The following ANKHD1 variants were observed in gnomAD, a reference collection of about 807,000 sequenced individuals.
ANKHD1 encodes ankyrin repeat and KH domain containing 1.
A neutral mutation model predicts 230.5 loss-of-function variants in ANKHD1; 31 were observed. The observed-to-expected ratio is 0.13, with a 90% confidence interval of 0.10 to 0.18. The LOEUF is 0.18. Among genes scored for constraint, ANKHD1 ranks in the 10% least tolerant of loss-of-function variants. ANKHD1 has a pLI of 1.00. For synonymous variants in ANKHD1, 1,074 were observed against 1,117.6 expected (o/e 0.96, Z 0.78); for missense variants, 2,256 against 3,071.3 (o/e 0.73, Z 6.27).
In ANKHD1 at chr5:140,530,955, T is replaced by C. The variant is rs540670447; in HGVS notation, c.6850+1159T>C. Among the ~76,000 whole-genome samples the C allele has an allele frequency of 2.8e-3, 426 of 152,380 alleles. 2 individuals carry two copies. Among genetic ancestry groups the C allele is most frequent in the African/African-American group, 9.7e-3 (403 of 41,588 alleles). ...ATTTACTTGTCTTTTCAGGAAAACA[T>C]AGCTGTTATATTGTATTTCAAATAG... On this transcript the variant is annotated intron_variant, in intron 29 of 33. Transcript: ENST00000360839.
At chr5:140,418,180 T>A (rs2126865025) in intron 1 of ANKHD1, among the ~76,000 whole-genome samples, 1 of 146,524 alleles carries the variant, frequency 6.8e-6, no homozygotes, top group East Asian at 2.0e-4. Context: ...AGGATCTCAC[T>A]GTCACCTAAC....
At position 140,485,838 on chromosome 5, in the gene ANKHD1, G is replaced by C; in HGVS notation, c.2142+106G>C. Reference sequence around the variant, plus strand: ...CAAAATGGACTTGTTTTTATTCTCTGTTACATATTGAGAAAATCATGACTC... The same window carrying C: ...CAAAATGGACTTGTTTTTATTCTCTCTTACATATTGAGAAAATCATGACTC... On this transcript the variant is annotated intron_variant, in intron 13 of 33. Transcript: ENST00000360839. This position sits in a 1 kb window ranked among gnomAD's most constrained non-coding sequence, Gnocchi z 4.8. The C allele has an allele frequency of 6.9e-7, 1 of 1,446,888 alleles. No homozygotes were observed. Among genetic ancestry groups the C allele is most frequent in the Admixed American group, 2.6e-5 (1 of 38,860 alleles). 89.6% of individuals were successfully genotyped at this position (1,446,888 alleles called of 1,614,324 possible). A position where few individuals can be genotyped will look rare whatever the true frequency, so the allele number is the denominator to read the frequency against.
chr5:140,438,114 A>G (rs1317929224), intron 2 of ANKHD1, among the ~76,000 whole-genome samples: 1 of 152,238 alleles, frequency 6.6e-6, no homozygotes, highest in African/African-American at 2.4e-5. Context: ...GTAAAGACAG[A>G]TATCCTGTAC....
rs901282726 is a variant in ANKHD1 at position 140,442,033 on chromosome 5, CTTTTTTTT to C, written c.913+908_913+915del. 7.7e-4 allele frequency among the ~76,000 whole-genome samples: 67 copies of C among 86,914 alleles called. 1 individual carries two copies. The highest frequency in any genetic ancestry group is 0.025 in the Middle Eastern group (2 of 80). 57.0% of individuals were successfully genotyped at this position (86,914 alleles called of 152,430 possible). ...TGAATACATTTACTAATAAGATATT[CTTTTTTTT>C]TTTTTTTTTTTTTTTTGAGATGGAG... On this transcript the variant is annotated intron_variant, in intron 5 of 33. Coordinates refer to ENST00000360839, the MANE Select transcript of ANKHD1 (RefSeq NM_017747.3).
At chr5:140,447,764 AGC>A (rs1423812264) in intron 6 of ANKHD1, among the ~76,000 whole-genome samples, 1 of 152,192 alleles carries the variant, frequency 6.6e-6, no homozygotes, top group African/African-American at 2.4e-5. Context: ...CCAAGATGAT[AGC>A]TAGGACCCCA....
rs752877196 is a variant in ANKHD1, at chr5:140,485,147, A to G, written c.1897A>G (p.Asn633Asp). The G allele has an allele frequency of 1.2e-6, 2 of 1,612,996 alleles. No homozygotes were observed. The highest frequency in any genetic ancestry group is 8.5e-7 in the Non-Finnish European group (1 of 1,179,028). Residue 633 changes from asparagine to aspartate, a missense_variant, in exon 12 of 34, where the codon AAT becomes GAT. Physicochemically the swap from Asn to Asp is conservative, Grantham distance 23 (BLOSUM62 1). This residue lies in a region of ANKHD1 where 179 missense variants were observed against 261.8 expected (regional missense o/e 0.68). Coordinates refer to ENST00000360839, the MANE Select transcript of ANKHD1 (RefSeq NM_017747.3). The surrounding 1 kb of genome is among the most constrained non-coding windows in gnomAD (Gnocchi z 4.8). ...KGANVNRATA[N>D]NDHTVVSLAC... ...TGCCAATGTTAACAGGGCTACAGCC[A>G]ATAATGATCATACAGTAGTGTCGCT...
chr5:140,403,922 TATC>T (rs1770201282), intron 1 of ANKHD1, among the ~76,000 whole-genome samples: 1 of 152,202 alleles, frequency 6.6e-6, no homozygotes, highest in Non-Finnish European at 1.5e-5. Flanking sequence ...TATACTGTCT[TATC>T]ATTCTAGGTC....
intron 10 of ANKHD1, among the ~76,000 whole-genome samples, chr5:140,474,584 C>CT (rs1164870858): frequency 0.017 from 2,460 of 142,944 alleles, 66 homozygotes; most frequent in African/African-American, 0.054. Flanking sequence ...TCATCAGAAC[C>CT]TTTTTTTTTT....
chr5:140,452,477 G>A (rs1774827412), intron 7 of ANKHD1, among the ~76,000 whole-genome samples: 3 of 152,096 alleles, frequency 2.0e-5, no homozygotes, highest in Non-Finnish European at 4.4e-5. Flanking sequence ...ACCCAGTAGG[G>A]GCAGACTGAC....
At chr5:140,463,598 C>T (rs1581288211) in intron 9 of ANKHD1, among the ~76,000 whole-genome samples, 1 of 152,070 alleles carries the variant, frequency 6.6e-6, no homozygotes, top group African/African-American at 2.4e-5. Context: ...TGGTCACCTT[C>T]GAAGGATGCT....
chr5:140,504,844 G>T lies in ANKHD1; in HGVS notation c.3028G>T (p.Gly1010Cys), dbSNP rs746482383. 6.2e-7 allele frequency: 1 copy of T among 1,613,866 alleles called. No homozygotes were observed. Among genetic ancestry groups the T allele is most frequent in the South Asian group, 1.1e-5 (1 of 90,966 alleles). Residue 1010 changes from glycine to cysteine, a missense_variant, in exon 16 of 34, where the codon GGT becomes TGT. By Grantham distance (159) the Gly-to-Cys change is radical. This residue lies in a region of ANKHD1 where 358 missense variants were observed against 397.7 expected (regional missense o/e 0.90). Coordinates refer to ENST00000360839, the MANE Select transcript of ANKHD1 (RefSeq NM_017747.3). ...IAAVSTRVPTGSNSSSQTTEC... is the reference protein window; with the variant it reads ...IAAVSTRVPTCSNSSSQTTEC... ...AGCTGTGAGTACCAGAGTGCCCACTGGTTCCAACAGTTCTTCTCAGACCAC... is the reference window on the plus strand; with the variant it reads ...AGCTGTGAGTACCAGAGTGCCCACTTGTTCCAACAGTTCTTCTCAGACCAC...
At chr5:140,495,246 C>T (rs1751974387) in intron 14 of ANKHD1, among the ~76,000 whole-genome samples, 1 of 137,012 alleles carries the variant, frequency 7.3e-6, no homozygotes, top group South Asian at 2.3e-4. Flanking sequence ...CTGAATAGTC[C>T]TACTTTTTTT....
rs1775407810 is a variant in ANKHD1 at position 140,458,735 on chromosome 5, T to A, written c.1353T>A (p.Val451=). The change falls in exon 8 of 34, where the codon GTT becomes GTA. Residue 451 remains valine (V), a synonymous_variant. Coordinates refer to ENST00000360839, the MANE Select transcript of ANKHD1 (RefSeq NM_017747.3). The part of the protein sequence containing the change: ...PLTLAACGGH[V]ELAALLIERG... ...CGCTAGCTGCCTGTGGAGGACATGT[T>A]GAATTGGCAGCTCTACTTATTGAAA... 3 of 1,613,404 alleles carry A rather than the reference T, an allele frequency of 1.9e-6. No homozygotes were observed. The highest frequency in any genetic ancestry group is 2.5e-6 in the Non-Finnish European group (3 of 1,179,814).
At chr5:140,471,519 T>C (rs535237025) in intron 10 of ANKHD1, among the ~76,000 whole-genome samples, 61 of 152,310 alleles carry the variant, frequency 4.0e-4, no homozygotes, top group African/African-American at 1.3e-3. Flanking sequence ...TCTTGCTGAA[T>C]CTATACCATA....
intron 24 of ANKHD1, among the ~76,000 whole-genome samples, chr5:140,515,630 C>G (rs1351399790): frequency 4.6e-5 from 7 of 152,120 alleles, no homozygotes; most frequent in Admixed American, 4.6e-4. Context: ...GGTCCCTGAC[C>G]CCTGATCCCT....
chr5:140,531,876 G>A (rs149371809), intron 29 of ANKHD1, among the ~76,000 whole-genome samples: 1 of 152,146 alleles, frequency 6.6e-6, no homozygotes, highest in African/African-American at 2.4e-5. Context: ...AACAAAATGT[G>A]GTATATCTAT....
At chr5:140,466,674 A>C (rs1776114095) in intron 10 of ANKHD1, among the ~76,000 whole-genome samples, 1 of 152,164 alleles carries the variant, frequency 6.6e-6, no homozygotes, top group South Asian at 2.1e-4. Context: ...GGCCAGGCGC[A>C]GTGGCTCACG....
In ANKHD1 at chr5:140,526,102, C is replaced by G. The variant is rs772754907; in HGVS notation, c.4599C>G (p.Ala1533=). The change falls in exon 26 of 34, where the codon GCC becomes GCG. Residue 1533 remains alanine, a synonymous_variant. Coordinates refer to ENST00000360839, the MANE Select transcript of ANKHD1 (RefSeq NM_017747.3). ...CAAATGTGTTTGGGAAAAAAAGGGC[C>G]AATGTGGTGACAACTCCCAGCACCA... ...TFTNVFGKKR[A]NVVTTPSTNR... The G allele has an allele frequency of 1.9e-6, 3 of 1,613,834 alleles. No individual in the cohort carries two copies. The highest frequency in any genetic ancestry group is 1.7e-6 in the Non-Finnish European group (2 of 1,179,992).
chr5:140,442,419 G>C (rs546140298), intron 5 of ANKHD1, among the ~76,000 whole-genome samples: 27 of 152,108 alleles, frequency 1.8e-4, no homozygotes, highest in Middle Eastern at 6.8e-3. Context: ...TTCCACACGT[G>C]GGGGAGGGAG....
Sources: gnomAD v4.1 joint callset for allele counts (sites outside exome capture counted in the v4.1 genomes callset) on GRCh38, gnomAD v4.1.1 for gene constraint, gnomAD v4.1.1 regional missense constraint, Gnocchi (gnomAD v3.1) non-coding constraint, MANE v1.5 for transcripts, NCBI Gene and HGNC (gene_info 2026-07-23, HGNC 2026-07-21) for gene names.